The following P4HA1 variants were observed in gnomAD, a reference collection of about 807,000 sequenced individuals.
The protein encoded by P4HA1 is prolyl 4-hydroxylase subunit alpha-1.
P4HA1 carries 24 observed loss-of-function variants against 72.8 expected under a neutral mutation model. The observed-to-expected ratio is 0.33, with a 90% confidence interval of 0.24 to 0.46. The LOEUF (loss-of-function observed/expected upper bound fraction) is 0.46. Ranked by LOEUF, P4HA1 falls within the 20% of genes least tolerant of loss-of-function variation. P4HA1 has a pLI of 1.00. For synonymous variants in P4HA1, 201 were observed against 218.8 expected, an observed-to-expected ratio of 0.92 and a Z score of 0.72; for missense variants, 446 against 640.6, an observed-to-expected ratio of 0.70 and a Z score of 3.28.
rs767138765 is a variant in P4HA1, at chr10:73,009,759, TAAGAAACAAA to T, written c.1534+38_1534+47del. 3.1e-5 allele frequency: 35 copies of T among 1,122,422 alleles called. 1 individual carries two copies. The highest frequency in any genetic ancestry group is 4.6e-5 in the Non-Finnish European group (34 of 739,468). 69.5% of individuals were successfully genotyped at this position (1,122,422 alleles called of 1,614,324 possible). Reference sequence around the variant, plus strand: ...TAAGACACAGATAATAGTTCCAAAATAAGAAACAAAAATTACATTATCTTCGCAGAATATA... The same window carrying T: ...TAAGACACAGATAATAGTTCCAAAATAATTACATTATCTTCGCAGAATATA... On this transcript the variant is annotated intron_variant, in intron 14 of 14. Coordinates refer to ENST00000394890, the MANE Select transcript of P4HA1 (RefSeq NM_001017962.3).
chr10:73,068,999 T>C lies in P4HA1; in HGVS notation c.326-16A>G, dbSNP rs201319915. 1.7e-5 allele frequency: 27 copies of C among 1,579,840 alleles called. No homozygotes were observed. The highest frequency in any genetic ancestry group is 2.3e-5 in the Non-Finnish European group (27 of 1,160,984). On this transcript the variant is annotated splice_polypyrimidine_tract_variant and intron_variant, in intron 4 of 14. Coordinates refer to ENST00000394890, the MANE Select transcript of P4HA1 (RefSeq NM_001017962.3). ...GAGATAAAGCCTTGAAATAGATAAA[T>C]CAAAGAAAAAAAAACTGTAGAACCT... is the stretch of plus-strand genomic sequence containing the variant.
intron 9 of P4HA1, among the ~76,000 whole-genome samples, chr10:73,039,920 G>A (rs2133078993): frequency 7.0e-6 from 1 of 142,238 alleles, no homozygotes; most frequent in East Asian, 2.2e-4. Flanking sequence ...GGAGTGCAGT[G>A]GTGCAATCTC....
At position 73,074,871 on chromosome 10, in the gene P4HA1, T is replaced by C. The variant is rs368140626; in HGVS notation, c.13A>G (p.Ile5Val). 17 of 1,512,470 alleles carry C rather than the reference T, an allele frequency of 1.1e-5. No homozygotes were observed. In the South Asian group the frequency reaches 1.3e-4, roughly 11 times the overall value. 93.7% of individuals were successfully genotyped at this position (1,512,470 alleles called of 1,614,324 possible). ...GGAAGCAGAATTCCTATAATTAATA[T>C]ATACCAGATCATCTTGGAAGATTTA... MIWY[I>V]LIIGILLPQS... The change falls in exon 2 of 15, where the codon ATA (isoleucine) becomes GTA (valine). Residue 5 changes from isoleucine (I) to valine (V), a missense_variant. Coordinates refer to ENST00000394890, the MANE Select transcript of P4HA1 (RefSeq NM_001017962.3).
intron 9 of P4HA1, among the ~76,000 whole-genome samples, chr10:73,033,430 T>A (rs1468188461): frequency 6.6e-6 from 1 of 152,228 alleles, no homozygotes; most frequent in Non-Finnish European, 1.5e-5. Flanking sequence ...ACTTTCTATC[T>A]ATGCTTTTGA....
At chr10:73,069,999 G>C (rs933740916) in intron 4 of P4HA1, among the ~76,000 whole-genome samples, 2 of 151,870 alleles carry the variant, frequency 1.3e-5, no homozygotes, top group Admixed American at 1.3e-4. Flanking sequence ...TAGTAGAGAC[G>C]GGGTTTCACC....
intron 1 of P4HA1, among the ~76,000 whole-genome samples, chr10:73,091,094 A>G (rs1842020928): frequency 6.6e-6 from 1 of 150,736 alleles, no homozygotes; most frequent in African/African-American, 2.4e-5. Context: ...AGAAGTAACT[A>G]AATTTTGAAA....
intron 10 of P4HA1, among the ~76,000 whole-genome samples, chr10:73,020,670 A>G (rs1840113782): frequency 6.6e-6 from 1 of 152,232 alleles, no homozygotes; most frequent in Admixed American, 6.5e-5. Flanking sequence ...AAAATACTCA[A>G]AAAAATACTA....
At chr10:73,065,620 T>C (rs901025917) in intron 5 of P4HA1, among the ~76,000 whole-genome samples, 2 of 152,194 alleles carry the variant, frequency 1.3e-5, no homozygotes, top group South Asian at 2.1e-4. Context: ...TATGAAGAAA[T>C]GGGAACTCTC....
chr10:73,077,912 C>A (rs947600281), intron 1 of P4HA1, among the ~76,000 whole-genome samples: 1 of 150,324 alleles, frequency 6.7e-6, no homozygotes, highest in Non-Finnish European at 1.5e-5. Flanking sequence ...TCACTTGAGA[C>A]CAGGAAGTTG....
At chr10:73,031,614 G>A (rs1840435215) in intron 9 of P4HA1, among the ~76,000 whole-genome samples, 1 of 150,884 alleles carries the variant, frequency 6.6e-6, no homozygotes, top group Non-Finnish European at 1.5e-5. Context: ...ATAGAAAATA[G>A]ATTAGTGGTT....
At chr10:73,043,683 G>T (rs1840788139) in intron 9 of P4HA1, among the ~76,000 whole-genome samples, 1 of 152,178 alleles carries the variant, frequency 6.6e-6, no homozygotes, top group African/African-American at 2.4e-5. Context: ...CATTATGTAA[G>T]TTAATGTTAC....
At chr10:73,079,632 C>G (rs1368943647) in intron 1 of P4HA1, among the ~76,000 whole-genome samples, 1 of 152,088 alleles carries the variant, frequency 6.6e-6, no homozygotes, top group Non-Finnish European at 1.5e-5. Flanking sequence ...ATCCCAGCTA[C>G]TCAGGAGGCT....
intron 1 of P4HA1, among the ~76,000 whole-genome samples, chr10:73,089,243 T>C (rs1284423959): frequency 1.3e-5 from 2 of 152,232 alleles, no homozygotes; most frequent in African/African-American, 2.4e-5. Flanking sequence ...TAGTTTCTAA[T>C]TGTTCATTAT....
Position 73,075,742 on chromosome 10 carries a change from AGTGTGTGT to A in P4HA1, c.-32-835_-32-828del, listed in dbSNP as rs531577086. 2.0e-4 allele frequency among the ~76,000 whole-genome samples: 30 copies of A among 147,858 alleles called. No homozygotes were observed. In the South Asian group the frequency reaches 2.5e-3, roughly 13 times the overall value. On this transcript the variant is annotated intron_variant, in intron 1 of 14. Coordinates refer to ENST00000394890, the MANE Select transcript of P4HA1 (RefSeq NM_001017962.3). ...TCATATATATTTTATATATATATAT[AGTGTGTGT>A]GTGTGTGTGTATGTGTGTATGTGTG...
At chr10:73,043,000 TAA>T (rs1840772750) in intron 9 of P4HA1, among the ~76,000 whole-genome samples, 1 of 152,102 alleles carries the variant, frequency 6.6e-6, no homozygotes, top group Admixed American at 6.5e-5. Flanking sequence ...TTATCTATAT[TAA>T]AAATATTTAT....
At chr10:73,059,320 C>T (rs1381062032) in intron 5 of P4HA1, among the ~76,000 whole-genome samples, 1 of 147,120 alleles carries the variant, frequency 6.8e-6, no homozygotes, top group African/African-American at 2.5e-5. Flanking sequence ...CTGGGCATGG[C>T]GGCTAGAGCC....
intron 9 of P4HA1, among the ~76,000 whole-genome samples, chr10:73,034,585 G>GT (rs1302367660): frequency 0.014 from 1,912 of 134,974 alleles, 19 homozygotes; most frequent in African/African-American, 0.024. Flanking sequence ...TGTGTGTGTG[G>GT]TTTTTTTTTT....
intron 5 of P4HA1, among the ~76,000 whole-genome samples, chr10:73,059,525 T>C (rs1463048436): frequency 2.2e-5 from 3 of 136,286 alleles, no homozygotes; most frequent in Admixed American, 7.9e-5. Flanking sequence ...AGGTGGATCA[T>C]GAGGTCAGGA....
rs372859039 is a variant in P4HA1, at chr10:73,095,921, G to T, written c.-33+845C>A. 3.4e-4 allele frequency among the ~76,000 whole-genome samples: 52 copies of T among 152,262 alleles called. 1 individual carries two copies. The highest frequency in any genetic ancestry group is 1.2e-3 in the African/African-American group (48 of 41,550). ...TCCCCATTGAAACATACATCCGGGGGCCAGCCATGTAATCCAACTCAAAAT... is the reference window on the plus strand; with the variant it reads ...TCCCCATTGAAACATACATCCGGGGTCCAGCCATGTAATCCAACTCAAAAT... On this transcript the variant is annotated intron_variant, in intron 1 of 14. Coordinates refer to ENST00000394890, the MANE Select transcript of P4HA1 (RefSeq NM_001017962.3).
Sources: gnomAD v4.1 joint callset for allele counts (sites outside exome capture counted in the v4.1 genomes callset) on GRCh38, gnomAD v4.1.1 for gene constraint, MANE v1.5 for transcripts, NCBI Gene and HGNC (gene_info 2026-07-23, HGNC 2026-07-21) for gene names.